Variants in PDE4B observed in about 807,000 individuals in gnomAD.
PDE4B encodes the protein 3',5'-cyclic-AMP phosphodiesterase 4B.
PDE4B carries 20 observed loss-of-function variants against 82.2 expected under a neutral mutation model. That is an observed-to-expected ratio of 0.24 (90% CI 0.17 to 0.35). The LOEUF (loss-of-function observed/expected upper bound fraction) is 0.35. PDE4B is among the 10% of genes least tolerant of loss of function. The probability of loss-of-function intolerance (pLI) is 1.00; values close to 1 mark genes in which losing one functional copy is unlikely to be tolerated. For missense variants in PDE4B, 655 were observed against 907.2 expected (o/e 0.72, Z 3.57); for synonymous variants, 320 against 318.9 (o/e 1.00, Z -0.04).
intron 3 of PDE4B, among the ~76,000 whole-genome samples, chr1:66,196,105 A>G (rs776192782): frequency 6.6e-6 from 1 of 152,208 alleles, no homozygotes; most frequent in Non-Finnish European, 1.5e-5. Context: ...GAAACCTCAG[A>G]GAATGTATTG....
chr1:66,091,388 A>T (rs1570206399), intron 3 of PDE4B, among the ~76,000 whole-genome samples: 1 of 152,210 alleles, frequency 6.6e-6, no homozygotes, highest in East Asian at 1.9e-4. Flanking sequence ...ATTCCAAAAA[A>T]AATCAGGTTA....
intron 3 of PDE4B, among the ~76,000 whole-genome samples, chr1:66,099,802 A>G (rs1489661901): frequency 6.6e-6 from 1 of 152,134 alleles, no homozygotes; most frequent in Non-Finnish European, 1.5e-5. Context: ...TGGTCTTGTC[A>G]TGGAGCAATC....
intron 1 of PDE4B, among the ~76,000 whole-genome samples, chr1:65,855,259 G>A (rs1353641439): frequency 1.4e-4 from 21 of 151,778 alleles, no homozygotes; most frequent in African/African-American, 1.9e-4. Flanking sequence ...CATTTGTAAT[G>A]ATATTTTATT....
chr1:66,050,118 A>G (rs78903737), intron 3 of PDE4B, among the ~76,000 whole-genome samples: 2,667 of 152,234 alleles, frequency 0.018, 81 homozygotes, highest in African/African-American at 0.061. Context: ...AACAAATTAA[A>G]GAATACAGGA....
intron 3 of PDE4B, among the ~76,000 whole-genome samples, chr1:66,083,733 T>G (rs1403437202): frequency 6.6e-6 from 1 of 152,150 alleles, no homozygotes; most frequent in Non-Finnish European, 1.5e-5. Flanking sequence ...CTGGTTTAAG[T>G]TCTATCTGTT....
At chr1:66,324,461 A>G (rs1384871624) in intron 7 of PDE4B, among the ~76,000 whole-genome samples, 1 of 152,064 alleles carries the variant, frequency 6.6e-6, no homozygotes, top group East Asian at 1.9e-4. Flanking sequence ...AATGATAATA[A>G]TTTCTCTCTT....
At chr1:66,184,226 G>GT (rs1647132333) in intron 3 of PDE4B, among the ~76,000 whole-genome samples, 1 of 152,160 alleles carries the variant, frequency 6.6e-6, no homozygotes, top group African/African-American at 2.4e-5. Flanking sequence ...AAGCAGTCAA[G>GT]TGTAAGGTAC....
At chr1:65,989,552 T>C (rs1250951640) in intron 3 of PDE4B, among the ~76,000 whole-genome samples, 4 of 152,156 alleles carry the variant, frequency 2.6e-5, no homozygotes, top group African/African-American at 9.7e-5. Flanking sequence ...GAGACATACC[T>C]TTAATTGGAT....
chr1:66,358,108 A>C (rs1216892393), intron 9 of PDE4B, among the ~76,000 whole-genome samples: 1 of 152,196 alleles, frequency 6.6e-6, no homozygotes, highest in Non-Finnish European at 1.5e-5. Flanking sequence ...CTTGTAGTCC[A>C]ATTCCCTCAT....
intron 1 of PDE4B, among the ~76,000 whole-genome samples, chr1:65,824,957 A>G (rs562166706): frequency 4.9e-4 from 74 of 152,178 alleles, no homozygotes; most frequent in Non-Finnish European, 9.1e-4. Context: ...TCTATCTCTC[A>G]TAATGATGGC....
At chr1:65,856,996 A>T (rs1646400744) in intron 1 of PDE4B, among the ~76,000 whole-genome samples, 1 of 152,118 alleles carries the variant, frequency 6.6e-6, no homozygotes, top group South Asian at 2.1e-4. Context: ...CTTTGATGGT[A>T]CAATTGAAAT....
At chr1:66,055,077 A>T (rs1326273235) in intron 3 of PDE4B, among the ~76,000 whole-genome samples, 2 of 152,210 alleles carry the variant, frequency 1.3e-5, no homozygotes, top group African/African-American at 2.4e-5. Context: ...GATTTTACTG[A>T]TTTAGATTTG....
At chr1:66,176,064 G>A (rs1468746034) in intron 3 of PDE4B, among the ~76,000 whole-genome samples, 1 of 152,176 alleles carries the variant, frequency 6.6e-6, no homozygotes, top group Non-Finnish European at 1.5e-5. Context: ...TATCAGTTCA[G>A]TAGACCTAAA....
At chr1:66,355,918 C>T (rs994449946) in intron 9 of PDE4B, among the ~76,000 whole-genome samples, 5 of 152,200 alleles carry the variant, frequency 3.3e-5, no homozygotes, top group African/African-American at 1.2e-4. Flanking sequence ...TTGCTAAGAC[C>T]TCTGAAGTAA....
intron 8 of PDE4B, among the ~76,000 whole-genome samples, chr1:66,340,279 C>A (rs1216537360): frequency 6.6e-6 from 1 of 152,138 alleles, no homozygotes; most frequent in Non-Finnish European, 1.5e-5. Context: ...TTTAAAGTAG[C>A]CAAGTGCTTC....
intron 3 of PDE4B, among the ~76,000 whole-genome samples, chr1:65,987,624 T>C (rs1385952624): frequency 6.6e-6 from 1 of 152,214 alleles, no homozygotes; most frequent in Non-Finnish European, 1.5e-5. Context: ...TATTTATTTT[T>C]TTTTGAGATG....
intron 3 of PDE4B, among the ~76,000 whole-genome samples, chr1:66,106,392 A>T (rs1325364355): frequency 6.6e-6 from 1 of 152,026 alleles, no homozygotes; most frequent in African/African-American, 2.4e-5. Context: ...TATTGGTCTA[A>T]ATTTCTCTTT....
intron 1 of PDE4B, among the ~76,000 whole-genome samples, chr1:65,884,392 G>A (rs1399121325): frequency 6.6e-6 from 1 of 152,098 alleles, no homozygotes; most frequent in Non-Finnish European, 1.5e-5. Flanking sequence ...CTGGGAGGGT[G>A]TATGTGTCCA....
intron 7 of PDE4B, among the ~76,000 whole-genome samples, chr1:66,293,159 C>T (rs1458546308): frequency 1.3e-5 from 2 of 151,968 alleles, no homozygotes; most frequent in Non-Finnish European, 1.5e-5. Context: ...TGAGGTCAGG[C>T]GGGGAGGGAG....
Sources: gnomAD v4.1 joint callset for allele counts (sites outside exome capture counted in the v4.1 genomes callset) on GRCh38, gnomAD v4.1.1 for gene constraint, MANE v1.5 for transcripts, NCBI Gene and HGNC (gene_info 2026-07-23, HGNC 2026-07-21) for gene names.